Variants in RNF180 observed in about 807,000 individuals in gnomAD.
RNF180 encodes ring finger protein 180, also known as E3 ubiquitin-protein ligase RNF180.
In RNF180, 38 loss-of-function variants were observed where a neutral mutation model predicts 59.2. That is an observed-to-expected ratio of 0.64 (90% CI 0.50 to 0.84). The LOEUF (loss-of-function observed/expected upper bound fraction) is 0.84, where lower values mean the gene tolerates loss of function less well. Among genes scored for constraint, RNF180 ranks in the 40% least tolerant of loss-of-function variants. The pLI is 0.00. For missense variants in RNF180, 705 were observed against 700.9 expected, an observed-to-expected ratio of 1.01 and a Z score of -0.07; for synonymous variants, 262 against 240.3, an observed-to-expected ratio of 1.09 and a Z score of -0.84.
chr5:64,327,863 T>C (rs997294181), intron 6 of RNF180, among the ~76,000 whole-genome samples: 7 of 152,210 alleles, frequency 4.6e-5, no homozygotes, highest in Non-Finnish European at 7.3e-5. Context: ...GAATGAGTTA[T>C]TAAAGTCTCC....
intron 5 of RNF180, among the ~76,000 whole-genome samples, chr5:64,269,498 T>G (rs1019798858): frequency 6.6e-6 from 1 of 152,210 alleles, no homozygotes; most frequent in Non-Finnish European, 1.5e-5. Context: ...GTCTCTTTTT[T>G]TGGCATCCCT....
In RNF180 at chr5:64,214,517, G is replaced by T. The variant is rs1014545117; in HGVS notation, c.1191G>T (p.Gln397His). The change falls in exon 4 of 8, where the codon CAG (glutamine) becomes CAT (histidine). Residue 397 changes from glutamine (Q) to histidine (H), a missense_variant and splice_region_variant. Transcript: ENST00000389100. ...QRRRERWLQK[Q>H]GKYSGVGLLD... ...GGCGTGAAAGATGGCTACAGAAGCAGGTAATATTTTTCAAAAGAGTTTACT... is the reference window on the plus strand; with the variant it reads ...GGCGTGAAAGATGGCTACAGAAGCATGTAATATTTTTCAAAAGAGTTTACT... 6.2e-6 allele frequency: 10 copies of T among 1,606,134 alleles called. No homozygotes were observed. Among genetic ancestry groups the T allele is most frequent in the Non-Finnish European group, 8.5e-6 (10 of 1,175,614 alleles).
intron 5 of RNF180, among the ~76,000 whole-genome samples, chr5:64,271,883 C>A (rs1369759997): frequency 2.0e-5 from 3 of 151,960 alleles, no homozygotes; most frequent in African/African-American, 7.3e-5. Context: ...CAGGAACATT[C>A]CCAGGTTTAT....
chr5:64,288,320 A>T (rs924440264), intron 5 of RNF180, among the ~76,000 whole-genome samples: 5 of 152,058 alleles, frequency 3.3e-5, no homozygotes, highest in African/African-American at 1.2e-4. Flanking sequence ...GTATAGTTTG[A>T]AGTTGGGTAG....
Position 64,169,366 on chromosome 5 carries a change from T to C in RNF180, c.-1+3413T>C, listed in dbSNP as rs143149150. On this transcript the variant is annotated intron_variant, in intron 1 of 7. Transcript: ENST00000389100. ...CTGGGTTTCCAGTCTCAACATGTCATTAATAGGTTAGGTGTCCTCATTATC... is the reference window on the plus strand; with the variant it reads ...CTGGGTTTCCAGTCTCAACATGTCACTAATAGGTTAGGTGTCCTCATTATC... Among the ~76,000 whole-genome samples, 100 of 152,352 alleles carry C rather than the reference T, an allele frequency of 6.6e-4. 1 individual carries two copies. Among genetic ancestry groups the C allele is most frequent in the African/African-American group, 2.4e-3 (98 of 41,588 alleles).
Position 64,325,349 on chromosome 5 carries a change from A to G in RNF180, c.1391A>G (p.Asn464Ser), listed in dbSNP as rs746553198. 46 of 1,551,592 alleles carry G rather than the reference A, an allele frequency of 3.0e-5. No homozygotes were observed. Among genetic ancestry groups the G allele is most frequent in the South Asian group, 2.5e-4 (21 of 84,064 alleles). ...TGCTTACGGACTCTGGCCAAAGACAATCCTTCAAGCACTCCATGCCCATTG... is the reference window on the plus strand; with the variant it reads ...TGCTTACGGACTCTGGCCAAAGACAGTCCTTCAAGCACTCCATGCCCATTG... The part of the protein sequence containing the change: ...EPCLRTLAKD[N>S]PSSTPCPLCR... Residue 464 changes from asparagine to serine, a missense_variant, in exon 6 of 8, where the codon AAT (asparagine) becomes AGT (serine). Transcript: ENST00000389100.
chr5:64,313,069 ATC>A (rs1383434089), intron 5 of RNF180, among the ~76,000 whole-genome samples: 1 of 152,156 alleles, frequency 6.6e-6, no homozygotes, highest in African/African-American at 2.4e-5. Context: ...ATAGTAAGAT[ATC>A]TTGGAGATAG....
chr5:64,293,861 T>C lies in RNF180; in HGVS notation c.1228-31325T>C, dbSNP rs1191792750. The stretch of plus-strand genomic sequence containing the variant: ...TATATTCCGTATTTTTTCTGAAAAG[T>C]GAAATATTTTGAAAGTTAAAGTAGA... On this transcript the variant is annotated intron_variant, in intron 5 of 7. Coordinates refer to ENST00000389100, the MANE Select transcript of RNF180 (RefSeq NM_001113561.2). Among the ~76,000 whole-genome samples the C allele has an allele frequency of 2.6e-4, 39 of 152,170 alleles. 1 individual carries two copies. Among genetic ancestry groups the C allele is most frequent in the Admixed American group, 2.5e-3 (38 of 15,288 alleles).
intron 5 of RNF180, among the ~76,000 whole-genome samples, chr5:64,226,706 A>G (rs1195103833): frequency 3.9e-5 from 6 of 152,132 alleles, no homozygotes; most frequent in Admixed American, 1.3e-4. Context: ...TTTAAGCCAC[A>G]TTTGTGATAT....
chr5:64,362,992 T>C (rs1024892289), intron 7 of RNF180, among the ~76,000 whole-genome samples: 10 of 151,520 alleles, frequency 6.6e-5, no homozygotes, highest in African/African-American at 2.2e-4. Flanking sequence ...CTTTGTCAGA[T>C]GCAGTTTGCA....
chr5:64,302,732 A>C (rs1743221051), intron 5 of RNF180, among the ~76,000 whole-genome samples: 1 of 151,624 alleles, frequency 6.6e-6, no homozygotes, highest in Non-Finnish European at 1.5e-5. Flanking sequence ...TAAACTTATA[A>C]GATTTCCATG....
rs370850235 is a variant in RNF180, at chr5:64,237,506, T to C, written c.1227+20110T>C. On this transcript the variant is annotated intron_variant, in intron 5 of 7. Coordinates refer to ENST00000389100, the MANE Select transcript of RNF180 (RefSeq NM_001113561.2). ...TGGGAGGGACTTGCCTTGTCTCAGA[T>C]GAGATTTTGGAATTGGACTTTTGAG... Among the ~76,000 whole-genome samples, 61 of 152,130 alleles carry C rather than the reference T, an allele frequency of 4.0e-4. No individual in the cohort carries two copies. In the South Asian group the frequency reaches 0.013, roughly 32 times the overall value.
chr5:64,286,170 C>G (rs1271045253), intron 5 of RNF180, among the ~76,000 whole-genome samples: 2 of 152,168 alleles, frequency 1.3e-5, no homozygotes, highest in African/African-American at 4.8e-5. Flanking sequence ...TGATGACTTG[C>G]AACCTCAGAA....
chr5:64,324,112 A>T (rs1231066419), intron 5 of RNF180, among the ~76,000 whole-genome samples: 2 of 152,376 alleles, frequency 1.3e-5, no homozygotes, highest in Middle Eastern at 3.4e-3. Context: ...CCTATTTCTG[A>T]TCACAAAAGC....
At chr5:64,351,682 T>A (rs1464781219) in intron 7 of RNF180, among the ~76,000 whole-genome samples, 4 of 151,682 alleles carry the variant, frequency 2.6e-5, no homozygotes, top group African/African-American at 7.2e-5. Context: ...TTGTCTTTGG[T>A]TCTGTTTATA....
intron 7 of RNF180, among the ~76,000 whole-genome samples, chr5:64,337,229 T>C (rs1745165617): frequency 6.6e-6 from 1 of 152,096 alleles, no homozygotes; most frequent in Admixed American, 6.6e-5. Flanking sequence ...AGGCTGGTCT[T>C]GAACTCCTAG....
chr5:64,332,579 T>C (rs998741425), intron 7 of RNF180, among the ~76,000 whole-genome samples: 5 of 152,238 alleles, frequency 3.3e-5, no homozygotes, highest in Non-Finnish European at 5.9e-5. Flanking sequence ...AATGTGAAAG[T>C]ACATTGTAAA....
intron 7 of RNF180, among the ~76,000 whole-genome samples, chr5:64,356,364 T>C (rs1487404592): frequency 2.6e-5 from 4 of 151,888 alleles, no homozygotes; most frequent in African/African-American, 4.8e-5. Context: ...TTTCTGATAA[T>C]GACTTAATAT....
At chr5:64,326,328 T>A (rs1744643512) in intron 6 of RNF180, among the ~76,000 whole-genome samples, 1 of 152,136 alleles carries the variant, frequency 6.6e-6, no homozygotes, top group Non-Finnish European at 1.5e-5. Context: ...GAATTATTAA[T>A]ATGGACAAAT....
Sources: gnomAD v4.1 joint callset for allele counts (sites outside exome capture counted in the v4.1 genomes callset) on GRCh38, gnomAD v4.1.1 for gene constraint, MANE v1.5 for transcripts, NCBI Gene and HGNC (gene_info 2026-07-23, HGNC 2026-07-21) for gene names.